The following PTPRN2 variants were observed in gnomAD, a reference collection of about 807,000 sequenced individuals.
The protein encoded by PTPRN2 is protein tyrosine phosphatase receptor type N2, also known as receptor-type tyrosine-protein phosphatase N2.
A neutral mutation model predicts 118.8 loss-of-function variants in PTPRN2; 74 were observed. The ratio of observed to expected loss-of-function variants is 0.62; its 90% CI spans 0.52 to 0.76. The LOEUF (loss-of-function observed/expected upper bound fraction) is 0.76. Ranked by LOEUF, PTPRN2 falls within the 30% of genes least tolerant of loss-of-function variation. PTPRN2 has a pLI of 0.00. For missense variants in PTPRN2, 1,481 were observed against 1,394.4 expected (o/e 1.06, Z -0.99); for synonymous variants, 641 against 608.0 (o/e 1.05, Z -0.80).
At chr7:157,553,665 C>T (rs899059990) in intron 21 of PTPRN2, among the ~76,000 whole-genome samples, 4 of 152,294 alleles carry the variant, frequency 2.6e-5, no homozygotes, top group South Asian at 4.1e-4. Context: ...GCCTCCGAGT[C>T]GCGCTGAGCC....
rs749515982 is a variant in PTPRN2 at position 158,430,211 on chromosome 7, A to G, written c.163+59524T>C. Among the ~76,000 whole-genome samples, 112 of 152,178 alleles carry G rather than the reference A, an allele frequency of 7.4e-4. 2 individuals are homozygous for G. Among genetic ancestry groups the G allele is most frequent in the Non-Finnish European group, 3.7e-4 (25 of 68,034 alleles). On this transcript the variant is annotated intron_variant, in intron 2 of 22. Transcript: ENST00000389418. ...ATGAGCCACCACGCCCAGCTGGGAC[A>G]TGAAGTTTTCTTAAACAACAATGCT...
At chr7:157,926,744 A>C (rs931484023) in intron 11 of PTPRN2, among the ~76,000 whole-genome samples, 31 of 152,288 alleles carry the variant, frequency 2.0e-4, no homozygotes, top group African/African-American at 7.2e-4. Context: ...TAGACCTGAG[A>C]AGTAGCCTCT....
intron 3 of PTPRN2, among the ~76,000 whole-genome samples, chr7:158,267,854 G>C (rs1047207855): frequency 6.6e-6 from 1 of 152,192 alleles, no homozygotes; most frequent in African/African-American, 2.4e-5. Flanking sequence ...CACGTGACCA[G>C]CTGTGACCAC....
At chr7:158,122,973 G>A (rs975362461) in intron 9 of PTPRN2, among the ~76,000 whole-genome samples, 6 of 152,156 alleles carry the variant, frequency 3.9e-5, no homozygotes, top group South Asian at 4.1e-4. Context: ...CGCCATGACC[G>A]ACCCTCCTGC....
chr7:157,668,726 A>G (rs977445480), intron 13 of PTPRN2, among the ~76,000 whole-genome samples: 6 of 152,308 alleles, frequency 3.9e-5, no homozygotes, highest in African/African-American at 1.4e-4. Context: ...CGGTTAAGGA[A>G]AAAGCCTGCG....
chr7:157,634,583 C>T (rs919804440), intron 14 of PTPRN2, among the ~76,000 whole-genome samples: 7 of 152,126 alleles, frequency 4.6e-5, no homozygotes, highest in Admixed American at 2.6e-4. Context: ...CACAGGGCTG[C>T]GTTGTCAATG....
intron 12 of PTPRN2, among the ~76,000 whole-genome samples, chr7:157,710,144 G>A (rs573632984): frequency 3.3e-4 from 51 of 152,304 alleles, no homozygotes; most frequent in African/African-American, 1.2e-3. Flanking sequence ...GGAACCCACA[G>A]GGCACTTGGG....
chr7:157,669,649 G>T lies in PTPRN2; in HGVS notation c.2001+13076C>A, dbSNP rs1049839359. 1.5e-5 allele frequency: 6 copies of T among 393,474 alleles called. 1 individual carries two copies. The highest frequency in any genetic ancestry group is 1.1e-4 in the South Asian group (6 of 55,216). The allele number at this position is 393,474 out of a possible 1,614,324, so 24.4% of individuals were successfully genotyped here. ...ATATGGAGTGAGTTCTTCCCATTTCGCAAGATGTTTTCTCAAAACAAAAAT... is the reference window on the plus strand; with the variant it reads ...ATATGGAGTGAGTTCTTCCCATTTCTCAAGATGTTTTCTCAAAACAAAAAT... On this transcript the variant is annotated intron_variant, in intron 13 of 22. Coordinates refer to ENST00000389418, the MANE Select transcript of PTPRN2 (RefSeq NM_002847.5).
chr7:158,103,621 G>A lies in PTPRN2; in HGVS notation c.1643+7208C>T, dbSNP rs558660527. Among the ~76,000 whole-genome samples, 12 of 152,308 alleles carry A rather than the reference G, an allele frequency of 7.9e-5. No individual in the cohort carries two copies. The South Asian group carries it at 1.0e-3, about 13-fold the overall frequency. On this transcript the variant is annotated intron_variant, in intron 10 of 22. Transcript: ENST00000389418. ...TCCAGAACCTTCTCTAGCACTGTCC[G>A]ATTTGTTTGTCTCATGAGCCAGGTT...
At position 158,272,798 on chromosome 7, in the gene PTPRN2, C is replaced by T. The variant is rs895899558; in HGVS notation, c.277+44021G>A. ...AGGGCCTCATAGGTGTGAGGGCCAT[C>T]GGGGAGGTGCCGCCGGCAGAAGGAG... On this transcript the variant is annotated intron_variant, in intron 3 of 22. Coordinates refer to ENST00000389418, the MANE Select transcript of PTPRN2 (RefSeq NM_002847.5). Among the ~76,000 whole-genome samples, 10 of 152,206 alleles carry T rather than the reference C, an allele frequency of 6.6e-5. No homozygotes were observed. The East Asian group carries it at 7.7e-4, about 12-fold the overall frequency.
chr7:158,206,414 A>T (rs979176832), intron 3 of PTPRN2, among the ~76,000 whole-genome samples: 7 of 151,490 alleles, frequency 4.6e-5, no homozygotes, highest in Non-Finnish European at 8.8e-5. Flanking sequence ...TGGGCCCTGA[A>T]TAATCAACAG....
At chr7:158,283,761 C>T (rs1034347730) in intron 3 of PTPRN2, among the ~76,000 whole-genome samples, 8 of 152,104 alleles carry the variant, frequency 5.3e-5, no homozygotes, top group African/African-American at 1.9e-4. Flanking sequence ...CACCACTCCT[C>T]AGGCCACTCA....
At chr7:157,683,083 C>G in intron 12 of PTPRN2, 146 bp from the exon 13 acceptor site, 1 of 675,376 alleles carries the variant, frequency 1.5e-6, no homozygotes, top group Non-Finnish European at 2.5e-6. Context: ...GAGGGCCCTG[C>G]GGAACAACCC....
rs887705373 is a variant in PTPRN2, at chr7:157,619,740, A to G, written c.2344+1622T>C. On this transcript the variant is annotated intron_variant, in intron 15 of 22. Transcript: ENST00000389418. This position sits in a 1 kb window ranked among gnomAD's most constrained non-coding sequence, Gnocchi z 5.3. Reference sequence around the variant, plus strand: ...GCCCCAGGTTAGTTTCTGAAGCAAAACAAGATTCCAGCTTCTCACTGTTCT... The same window carrying G: ...GCCCCAGGTTAGTTTCTGAAGCAAAGCAAGATTCCAGCTTCTCACTGTTCT... Among the ~76,000 whole-genome samples, 4 of 152,168 alleles carry G rather than the reference A, an allele frequency of 2.6e-5. No individual in the cohort carries two copies. Among genetic ancestry groups the G allele is most frequent in the African/African-American group, 9.7e-5 (4 of 41,428 alleles).
At chr7:157,878,432 C>T (rs573903892) in intron 12 of PTPRN2, among the ~76,000 whole-genome samples, 40 of 147,342 alleles carry the variant, frequency 2.7e-4, no homozygotes, top group Non-Finnish European at 4.3e-4. Flanking sequence ...CGTGCACCCA[C>T]GCTTACTCAC....
chr7:158,240,589 C>T (rs1190602646), intron 3 of PTPRN2, among the ~76,000 whole-genome samples: 5 of 152,082 alleles, frequency 3.3e-5, no homozygotes, highest in Admixed American at 1.3e-4. Flanking sequence ...CCACCACACC[C>T]GGCTAATTTT....
intron 7 of PTPRN2, 89 bp downstream of exon 7, chr7:158,138,205 A>T: frequency 8.6e-7 from 1 of 1,162,322 alleles, no homozygotes; most frequent in South Asian, 1.4e-5. Context: ...CCCACATTGC[A>T]CTTGGTGAGC....
At chr7:158,087,477 C>T (rs1268244876) in intron 10 of PTPRN2, among the ~76,000 whole-genome samples, 1 of 152,248 alleles carries the variant, frequency 6.6e-6, no homozygotes, top group Non-Finnish European at 1.5e-5. Flanking sequence ...GGAGAACCAT[C>T]CACCTTTTGA....
At chr7:158,069,456 C>T (rs1811039582) in intron 11 of PTPRN2, among the ~76,000 whole-genome samples, 2 of 152,204 alleles carry the variant, frequency 1.3e-5, no homozygotes, top group Admixed American at 1.3e-4. Context: ...CCTTGGCCTC[C>T]CAAAGTGCTG....
Sources: gnomAD v4.1 joint callset for allele counts (sites outside exome capture counted in the v4.1 genomes callset) on GRCh38, gnomAD v4.1.1 for gene constraint, Gnocchi (gnomAD v3.1) non-coding constraint, MANE v1.5 for transcripts, NCBI Gene and HGNC (gene_info 2026-07-23, HGNC 2026-07-21) for gene names.